UPRT: variants seen among roughly 807,000 people sequenced by gnomAD.
UPRT encodes the protein uracil phosphoribosyltransferase homolog, also known as RP11-311P8.3.
In UPRT, 5 loss-of-function variants were observed where a neutral mutation model predicts 22.6. The observed-to-expected ratio is 0.22, with a 90% confidence interval of 0.12 to 0.47. The LOEUF (loss-of-function observed/expected upper bound fraction) is 0.47, where lower values mean the gene tolerates loss of function less well. Among genes scored for constraint, UPRT ranks in the 20% least tolerant of loss-of-function variants. The pLI, the probability that UPRT is intolerant of heterozygous loss-of-function variation, is 0.99. For missense variants in UPRT, 181 were observed against 239.9 expected, an observed-to-expected ratio of 0.75 and a Z score of 1.62; for synonymous variants, 77 against 87.7, an observed-to-expected ratio of 0.88 and a Z score of 0.68.
chrX:75,304,525 T>G lies in UPRT; in HGVS notation c.*1014T>G, dbSNP rs1406723469. ...AAAGGGAGAGAAATCATATTGGAAA[T>G]CAGTGTTGGTGTTCTGAAATCTGCT... On this transcript the variant is annotated 3_prime_UTR_variant, in exon 7 of 7. Transcript: ENST00000373383. 1 of 111,811 alleles carries G rather than the reference T, an allele frequency of 8.9e-6. No individual in the cohort carries two copies. Among genetic ancestry groups the G allele is most frequent in the African/African-American group, 3.3e-5 (1 of 30,756 alleles). 9.2% of individuals were successfully genotyped at this position (111,811 alleles called of 1,213,427 possible).
chrX:75,156,899 T>TCACACACACACA (rs753344635), intron 1 of UPRT, among the ~76,000 whole-genome samples: 9 of 99,547 alleles, frequency 9.0e-5, no homozygotes, highest in African/African-American at 2.7e-4. Context: ...TGGGACAGTC[T>TCACACACACACA]CACACACACA....
chrX:75,241,475 G>A (rs2082488360), intron 4 of UPRT, among the ~76,000 whole-genome samples: 1 of 111,515 alleles, frequency 9.0e-6, no homozygotes. Context: ...ACTGCTGTTG[G>A]GAATGTAAAC....
chrX:75,250,674 C>T (rs1227062934), intron 4 of UPRT, among the ~76,000 whole-genome samples: 1 of 111,183 alleles, frequency 9.0e-6, no homozygotes, highest in East Asian at 2.8e-4. Context: ...CTATTCCAAT[C>T]AATAGAAAAA....
chrX:75,156,899 T>TCACACACACACACACACACA (rs753344635), intron 1 of UPRT, among the ~76,000 whole-genome samples: 5 of 99,547 alleles, frequency 5.0e-5, no homozygotes, highest in Non-Finnish European at 6.0e-5. Context: ...TGGGACAGTC[T>TCACACACACACACACACACA]CACACACACA....
rs756632224 is a variant in UPRT, at chrX:75,211,701, C to G, written c.-447+43822C>G. Among the ~76,000 whole-genome samples the G allele has an allele frequency of 8.1e-5, 9 of 111,757 alleles. No individual in the cohort carries two copies. The South Asian group carries it at 3.4e-3, about 42-fold the overall frequency. ...GCAGTCCTGGGTCTAGTTTTTGCTGCTTGCTGCTTTCCAGGTTGCAAGAGA... is the reference window on the plus strand; with the variant it reads ...GCAGTCCTGGGTCTAGTTTTTGCTGGTTGCTGCTTTCCAGGTTGCAAGAGA... On this transcript the variant is annotated intron_variant, in intron 4 of 13. Coordinates refer to the UPRT transcript ENST00000652605.
intron 4 of UPRT, among the ~76,000 whole-genome samples, chrX:75,258,126 C>T (rs2082555036): frequency 9.1e-6 from 1 of 110,472 alleles, no homozygotes; most frequent in Admixed American, 9.6e-5. Flanking sequence ...GCCTATGCCA[C>T]CAGGGCCCTG....
rs148116069 is a variant in UPRT, at chrX:75,233,700, C to T, written c.-446-57324C>T. ...CCAGCCAAACAAACTTCATAAGAGACGGAGAAATAAAATCCTTTACAGACA... is the reference window on the plus strand; with the variant it reads ...CCAGCCAAACAAACTTCATAAGAGATGGAGAAATAAAATCCTTTACAGACA... On this transcript the variant is annotated intron_variant, in intron 4 of 13. Transcript: ENST00000652605. Among the ~76,000 whole-genome samples the T allele has an allele frequency of 8.3e-3, 920 of 110,262 alleles. 17 individuals carry two copies. The highest frequency in any genetic ancestry group is 0.029 in the African/African-American group (866 of 30,287).
chrX:75,198,725 A>T lies in UPRT; in HGVS notation c.-447+30846A>T, dbSNP rs148914740. Among the ~76,000 whole-genome samples the T allele has an allele frequency of 4.5e-3, 497 of 111,499 alleles. 2 individuals are homozygous for T. The highest frequency in any genetic ancestry group is 0.015 in the African/African-American group (452 of 30,680). On this transcript the variant is annotated intron_variant, in intron 4 of 13. Coordinates refer to the UPRT transcript ENST00000652605. ...GTTCTATCATATATGCAGATAGGTG[A>T]GCACCCAGTATGTGGTTTTTAGTTT... is the stretch of plus-strand genomic sequence containing the variant.
At chrX:75,303,144 A>G (rs1007459828) in intron 6 of UPRT, among the ~76,000 whole-genome samples, 3 of 111,950 alleles carry the variant, frequency 2.7e-5, no homozygotes, top group Non-Finnish European at 3.8e-5. Flanking sequence ...CTATAACTGA[A>G]CAATTATATT....
At chrX:75,276,924 A>G (rs933081413) in intron 1 of UPRT, among the ~76,000 whole-genome samples, 2 of 111,604 alleles carry the variant, frequency 1.8e-5, no homozygotes, top group Non-Finnish European at 3.8e-5. Context: ...ACAATCATTA[A>G]TCTACTTTCT....
At chrX:75,188,666 A>G (rs1002245214) in intron 4 of UPRT, among the ~76,000 whole-genome samples, 2 of 112,556 alleles carry the variant, frequency 1.8e-5, no homozygotes, top group South Asian at 3.7e-4. Flanking sequence ...TGTGCTAGCA[A>G]TCAGCGAGAC....
At chrX:75,301,091 G>T in intron 6 of UPRT, 126 bp downstream of exon 6, 1 of 441,230 alleles carries the variant, frequency 2.3e-6, no homozygotes, top group Non-Finnish European at 3.8e-6. Flanking sequence ...ATCTAATTTG[G>T]GTAATTATAA....
At chrX:75,253,005 A>G (rs2082536831) in intron 4 of UPRT, among the ~76,000 whole-genome samples, 2 of 110,950 alleles carry the variant, frequency 1.8e-5, no homozygotes, top group Middle Eastern at 4.2e-3. Flanking sequence ...GAACACATGG[A>G]CACAGGTAGG....
chrX:75,261,129 T>C (rs2082566298), intron 4 of UPRT, among the ~76,000 whole-genome samples: 1 of 111,769 alleles, frequency 8.9e-6, no homozygotes, highest in Non-Finnish European at 1.9e-5. Flanking sequence ...TTTATAGCAC[T>C]AAATGCCCAC....
chrX:75,233,162 G>C (rs61613242), intron 4 of UPRT, among the ~76,000 whole-genome samples: 1,472 of 111,343 alleles, frequency 0.013, 17 homozygotes, highest in African/African-American at 0.046. Context: ...GAGCCGATGC[G>C]ATCAACTGGA....
intron 1 of UPRT, 135 bp downstream of exon 1, chrX:75,274,775 GGTGTGTGTGTGTGTGTGTGT>G (rs201034223): frequency 2.2e-5 from 8 of 361,685 alleles, no homozygotes; most frequent in African/African-American, 6.0e-5. Flanking sequence ...CCTTTTATTT[GGTGTGTGTGTGTGTGTGTGT>G]GTGTGTGTGT....
chrX:75,234,699 C>T (rs1309658475), intron 4 of UPRT, among the ~76,000 whole-genome samples: 136 of 110,722 alleles, frequency 1.2e-3, no homozygotes, highest in Middle Eastern at 4.6e-3. Flanking sequence ...GGGTACATAA[C>T]GAAATGAAGG....
At chrX:75,209,119 G>A (rs1327001423) in intron 4 of UPRT, among the ~76,000 whole-genome samples, 4 of 111,528 alleles carry the variant, frequency 3.6e-5, no homozygotes, top group African/African-American at 1.3e-4. Flanking sequence ...GTGCCTAGAG[G>A]GGAGTTTATC....
intron 4 of UPRT, among the ~76,000 whole-genome samples, chrX:75,180,346 C>G (rs775301760): frequency 8.9e-6 from 1 of 111,873 alleles, no homozygotes; most frequent in African/African-American, 3.3e-5. Flanking sequence ...TTGCTCAGCT[C>G]TCTAAATTGA....
Sources: gnomAD v4.1 joint callset for allele counts (sites outside exome capture counted in the v4.1 genomes callset) on GRCh38, gnomAD v4.1.1 for gene constraint, MANE v1.5 for transcripts, NCBI Gene and HGNC (gene_info 2026-07-23, HGNC 2026-07-21) for gene names.